The following TRIP4 variants were observed in gnomAD, a reference collection of about 807,000 sequenced individuals.
TRIP4 encodes the protein thyroid hormone receptor interactor 4, also known as activating signal cointegrator 1.
A neutral mutation model predicts 81.8 loss-of-function variants in TRIP4; 54 were observed. The ratio of observed to expected loss-of-function variants is 0.66; its 90% CI spans 0.53 to 0.83. TRIP4 has a LOEUF of 0.83. Among genes scored for constraint, TRIP4 ranks in the 40% least tolerant of loss-of-function variants. The pLI is 0.00. For missense variants in TRIP4, 662 were observed against 683.6 expected, an observed-to-expected ratio of 0.97 and a Z score of 0.35; for synonymous variants, 270 against 242.8, an observed-to-expected ratio of 1.11 and a Z score of -1.04.
intron 2 of TRIP4, among the ~76,000 whole-genome samples, 188 bp downstream of exon 2, chr15:64,394,303 A>G: frequency 6.6e-6 from 1 of 152,112 alleles, no homozygotes; most frequent in East Asian, 1.9e-4. Context: ...TTCTTTTTCA[A>G]CTTAGAAAAT....
At chr15:64,438,367 T>C (rs771928099) in intron 11 of TRIP4, among the ~76,000 whole-genome samples, 8 of 152,264 alleles carry the variant, frequency 5.3e-5, no homozygotes, top group Non-Finnish European at 1.2e-4. Context: ...TTGCCTAGGC[T>C]GGAGTGCAAT....
intron 6 of TRIP4, among the ~76,000 whole-genome samples, chr15:64,408,611 A>G (rs1891687402): frequency 6.6e-6 from 1 of 152,072 alleles, no homozygotes; most frequent in African/African-American, 2.4e-5. Flanking sequence ...AAGCCAATAT[A>G]TGAATCTAAC....
intron 7 of TRIP4, among the ~76,000 whole-genome samples, chr15:64,410,759 A>T (rs1217512311): frequency 6.6e-6 from 1 of 152,168 alleles, no homozygotes; most frequent in African/African-American, 2.4e-5. Flanking sequence ...GACAGTACCA[A>T]GTTGGAAGAA....
chr15:64,411,917 G>T (rs566329448), intron 7 of TRIP4, among the ~76,000 whole-genome samples: 16 of 139,716 alleles, frequency 1.1e-4, no homozygotes, highest in Admixed American at 3.9e-4. Flanking sequence ...TCCTGACCTC[G>T]TGATCCACCC....
At position 64,435,213 on chromosome 15, in the gene TRIP4, CAAA is replaced by C. The variant is rs35216763; in HGVS notation, c.1575+9604_1575+9606del. 1.6e-4 allele frequency among the ~76,000 whole-genome samples: 8 copies of C among 50,422 alleles called. No homozygotes were observed. In the South Asian group the frequency reaches 4.0e-3, roughly 25 times the overall value. The allele number at this position is 50,422 out of a possible 152,430, so 33.1% of individuals were successfully genotyped here. A position where few individuals can be genotyped will look rare whatever the true frequency, so the allele number is the denominator to read the frequency against. On this transcript the variant is annotated intron_variant, in intron 11 of 12. Coordinates refer to ENST00000261884, the MANE Select transcript of TRIP4 (RefSeq NM_016213.5). ...TGAGTGACAGAGTGAGACCCCATCT[CAAA>C]AAAAAAAAAAAAAAAAAAAAAGATG...
Position 64,424,154 on chromosome 15 carries a change from A to G in TRIP4, c.1482A>G (p.Lys494=), listed in dbSNP as rs1393542968. Residue 494 remains lysine (K), a splice_region_variant and synonymous_variant, in exon 10 of 13, where the codon AAA becomes AAG. Transcript: ENST00000261884. ...CTACATATCGTCTTCTTCGTGGGAA[A>G]GGTAACAGCCGCATATTCTCCTTTC... The part of the protein sequence containing the change: ...LQATYRLLRG[K]DVEFPNDYPS... The G allele has an allele frequency of 1.2e-6, 2 of 1,614,182 alleles. No homozygotes were observed. The highest frequency in any genetic ancestry group is 1.7e-6 in the Non-Finnish European group (2 of 1,180,016).
chr15:64,388,450 G>C (rs1900017913), intron 1 of TRIP4, among the ~76,000 whole-genome samples: 1 of 152,156 alleles, frequency 6.6e-6, no homozygotes, highest in Non-Finnish European at 1.5e-5. Flanking sequence ...GGGATTACAG[G>C]CACGCACCAC....
At chr15:64,453,732 AGAGAG>A (rs759308201) in intron 12 of TRIP4, among the ~76,000 whole-genome samples, 69 of 151,090 alleles carry the variant, frequency 4.6e-4, no homozygotes, top group Non-Finnish European at 7.4e-5. Context: ...CTAAAAGAAA[AGAGAG>A]AGAGAGATAA....
At chr15:64,400,375 T>C (rs576060321) in intron 4 of TRIP4, among the ~76,000 whole-genome samples, 6 of 151,702 alleles carry the variant, frequency 4.0e-5, no homozygotes, top group Non-Finnish European at 7.4e-5. Flanking sequence ...GGTTTGGCCA[T>C]GTTGCCCAGG....
rs919120597 is a variant in TRIP4 at position 64,424,093 on chromosome 15, A to C, written c.1421A>C (p.Lys474Thr). 6.2e-7 allele frequency: 1 copy of C among 1,614,046 alleles called. No homozygotes were observed. Among genetic ancestry groups the C allele is most frequent in the East Asian group, 2.2e-5 (1 of 44,888 alleles). Reference protein sequence around the residue: ...RGRLWIAATAKKPSPQEVSEL... With the variant: ...RGRLWIAATATKPSPQEVSEL... ...CGACTTTGGATAGCAGCCACAGCTA[A>C]AAAACCCTCCCCTCAAGAAGTCTCA... Residue 474 changes from lysine to threonine, a missense_variant, in exon 10 of 13, where the codon AAA (lysine) becomes ACA (threonine). Transcript: ENST00000261884.
intron 12 of TRIP4, among the ~76,000 whole-genome samples, chr15:64,453,982 C>T (rs1330841199): frequency 6.6e-6 from 1 of 152,114 alleles, no homozygotes; most frequent in Non-Finnish European, 1.5e-5. Flanking sequence ...GAACCTGGGT[C>T]TTCTGATTTT....
At position 64,451,000 on chromosome 15, in the gene TRIP4, A is replaced by C. The variant is rs977635977; in HGVS notation, c.1679-3997A>C. 2.1e-5 allele frequency: 4 copies of C among 192,868 alleles called. 1 individual carries two copies. Among genetic ancestry groups the C allele is most frequent in the Non-Finnish European group, 4.4e-5 (4 of 90,118 alleles). The allele number at this position is 192,868 out of a possible 1,614,324, so 11.9% of individuals were successfully genotyped here. On this transcript the variant is annotated intron_variant, in intron 12 of 12. Coordinates refer to ENST00000261884, the MANE Select transcript of TRIP4 (RefSeq NM_016213.5). ...ATAATTAAAAGACTTGCCTGGGGTT[A>C]TATGGTAAATGAAAGGTGAAATTGA...
At chr15:64,418,843 C>A (rs1891945439) in intron 9 of TRIP4, 115 bp downstream of exon 9, 1 of 954,586 alleles carries the variant, frequency 1.0e-6, no homozygotes, top group Non-Finnish European at 1.5e-6. Context: ...TAATACTCTT[C>A]AATAAATAGA....
chr15:64,423,024 T>G (rs1186948079), intron 9 of TRIP4, among the ~76,000 whole-genome samples: 1 of 152,230 alleles, frequency 6.6e-6, no homozygotes, highest in South Asian at 2.1e-4. Context: ...TTTAATTTGG[T>G]GGGAGGGGAA....
intron 5 of TRIP4, among the ~76,000 whole-genome samples, 179 bp downstream of exon 5, chr15:64,401,000 C>T (rs1358395765): frequency 6.6e-6 from 1 of 151,826 alleles, no homozygotes; most frequent in Non-Finnish European, 1.5e-5. Flanking sequence ...TCACTCTTAT[C>T]ACCCAGGCTG....
At position 64,453,842 on chromosome 15, in the gene TRIP4, C is replaced by T. The variant is rs140254675; in HGVS notation, c.1679-1155C>T. ...GTTAGGCTGAGGCTAATTTTTCTCA[C>T]AGTCTTACTGTGCCATGGTCAGTAC... is the stretch of plus-strand genomic sequence containing the variant. On this transcript the variant is annotated intron_variant, in intron 12 of 12. Transcript: ENST00000261884. Among the ~76,000 whole-genome samples the T allele has an allele frequency of 1.3e-3, 197 of 152,306 alleles. 1 individual carries two copies. The highest frequency in any genetic ancestry group is 2.4e-3 in the Non-Finnish European group (161 of 68,020).
chr15:64,426,946 G>C (rs1892162675), intron 11 of TRIP4, among the ~76,000 whole-genome samples: 2 of 151,896 alleles, frequency 1.3e-5, no homozygotes, highest in African/African-American at 4.8e-5. Context: ...GTTGCAGTAA[G>C]CCGAGATCAT....
At chr15:64,398,644 A>T (rs1414313919) in intron 4 of TRIP4, among the ~76,000 whole-genome samples, 2 of 152,044 alleles carry the variant, frequency 1.3e-5, no homozygotes, top group Admixed American at 6.6e-5. Flanking sequence ...GTTTGAGAAC[A>T]TACATTGTTG....
chr15:64,419,969 C>T (rs1596348771), intron 9 of TRIP4, among the ~76,000 whole-genome samples: 1 of 151,822 alleles, frequency 6.6e-6, no homozygotes, highest in Non-Finnish European at 1.5e-5. Context: ...GCGCCCGCCA[C>T]CACACCTGGT....
Sources: allele counts gnomAD v4.1 joint callset (sites outside exome capture counted in the v4.1 genomes callset), GRCh38; gene constraint gnomAD v4.1.1; transcripts MANE v1.5; gene names NCBI Gene and HGNC (gene_info 2026-07-23, HGNC 2026-07-21).